GUCY1A2: variants seen among roughly 807,000 people sequenced by gnomAD.
GUCY1A2 encodes guanylate cyclase soluble subunit alpha-2.
In GUCY1A2, 27 loss-of-function variants were observed where a neutral mutation model predicts 63.5. The ratio of observed to expected loss-of-function variants is 0.43; its 90% CI spans 0.31 to 0.59. The LOEUF (loss-of-function observed/expected upper bound fraction) is 0.59. GUCY1A2 is among the 20% of genes least tolerant of loss of function. The pLI is 0.11. For synonymous variants in GUCY1A2, 364 were observed against 343.5 expected (o/e 1.06, Z -0.66); for missense variants, 768 against 913.3 (o/e 0.84, Z 2.05).
chr11:106,930,522 C>T (rs2119940601), intron 4 of GUCY1A2, among the ~76,000 whole-genome samples: 1 of 152,232 alleles, frequency 6.6e-6, no homozygotes, highest in South Asian at 2.1e-4. Context: ...CCTATCAAAG[C>T]ATATGTAAAG....
intron 4 of GUCY1A2, among the ~76,000 whole-genome samples, chr11:106,922,021 T>C (rs2119905662): frequency 6.6e-6 from 1 of 152,282 alleles, no homozygotes; most frequent in East Asian, 1.9e-4. Flanking sequence ...CCAAAAAGCA[T>C]TTATTCTATA....
chr11:106,979,012 G>A (rs1222700357), intron 2 of GUCY1A2, among the ~76,000 whole-genome samples: 1 of 152,232 alleles, frequency 6.6e-6, no homozygotes, highest in South Asian at 2.1e-4. Context: ...TACAGCTAAT[G>A]TATCACTCTG....
chr11:106,747,153 AT>A (rs568934033), intron 6 of GUCY1A2, among the ~76,000 whole-genome samples: 1 of 151,530 alleles, frequency 6.6e-6, no homozygotes, highest in Admixed American at 6.6e-5. Flanking sequence ...ATGCTCAGCT[AT>A]TTTTTTTGTA....
chr11:106,703,860 TATATAG>T lies in GUCY1A2; in HGVS notation c.1991+4646_1991+4651del, dbSNP rs1862860427. ...GTAATGATTACTTAGTAATCATATG[TATATAG>T]ATATACATATATGATTCCCACATTT... On this transcript the variant is annotated intron_variant, in intron 7 of 7. Coordinates refer to ENST00000526355, the MANE Select transcript of GUCY1A2 (RefSeq NM_000855.3). Among the ~76,000 whole-genome samples the T allele has an allele frequency of 2.0e-5, 3 of 152,022 alleles. No homozygotes were observed. In the South Asian group the frequency reaches 6.2e-4, roughly 31 times the overall value.
intron 3 of GUCY1A2, among the ~76,000 whole-genome samples, chr11:106,976,365 C>T (rs1277633576): frequency 6.6e-6 from 1 of 152,138 alleles, no homozygotes; most frequent in African/African-American, 2.4e-5. Flanking sequence ...CTTTTCTGTC[C>T]AGTAAGCTGA....
intron 2 of GUCY1A2, among the ~76,000 whole-genome samples, chr11:106,983,771 C>G (rs1029017011): frequency 6.6e-6 from 1 of 152,176 alleles, no homozygotes; most frequent in African/African-American, 2.4e-5. Context: ...AAAAGCATCT[C>G]CTTCCCACCC....
At chr11:106,805,513 T>A (rs1354636739) in intron 5 of GUCY1A2, among the ~76,000 whole-genome samples, 1 of 152,212 alleles carries the variant, frequency 6.6e-6, no homozygotes, top group Non-Finnish European at 1.5e-5. Context: ...CCCAAAGTGC[T>A]GGGATTACAG....
rs560880133 is a variant in GUCY1A2, at chr11:106,905,593, T to A, written c.1206+33867A>T. Among the ~76,000 whole-genome samples the A allele has an allele frequency of 3.3e-5, 5 of 152,178 alleles. No individual in the cohort carries two copies. The South Asian group carries it at 8.3e-4, about 25-fold the overall frequency. ...ACTTAGAGAATTGGGATCAAGCACTTATCACTGACAGAAAAGAAGCCCAAA... is the reference window on the plus strand; with the variant it reads ...ACTTAGAGAATTGGGATCAAGCACTAATCACTGACAGAAAAGAAGCCCAAA... On this transcript the variant is annotated intron_variant, in intron 4 of 7. Coordinates refer to ENST00000526355, the MANE Select transcript of GUCY1A2 (RefSeq NM_000855.3).
At chr11:106,992,325 C>CTTTT (rs11297661) in intron 1 of GUCY1A2, among the ~76,000 whole-genome samples, 9 of 113,746 alleles carry the variant, frequency 7.9e-5, no homozygotes, top group Non-Finnish European at 1.4e-4. Context: ...AAGAATATGT[C>CTTTT]TTTTTTTTTT....
intron 7 of GUCY1A2, among the ~76,000 whole-genome samples, chr11:106,699,193 G>A (rs1351721904): frequency 6.6e-6 from 1 of 152,114 alleles, no homozygotes; most frequent in Non-Finnish European, 1.5e-5. Flanking sequence ...AGAACCTTCA[G>A]AAAGGATTAT....
intron 4 of GUCY1A2, among the ~76,000 whole-genome samples, chr11:106,878,193 G>A (rs995650184): frequency 2.0e-5 from 3 of 152,062 alleles, no homozygotes; most frequent in Non-Finnish European, 4.4e-5. Flanking sequence ...GTGTAAATCA[G>A]TTCAACCATT....
intron 7 of GUCY1A2, among the ~76,000 whole-genome samples, chr11:106,688,258 G>C (rs868197617): frequency 6.6e-6 from 1 of 152,022 alleles, no homozygotes; most frequent in South Asian, 2.1e-4. Context: ...ACAACACTTC[G>C]TGACTCCCAA....
At chr11:107,002,583 G>A (rs185437506) in intron 1 of GUCY1A2, among the ~76,000 whole-genome samples, 55 of 152,226 alleles carry the variant, frequency 3.6e-4, no homozygotes, top group African/African-American at 1.0e-3. Context: ...GAGAAAACCC[G>A]AAGTCTAAAG....
At chr11:106,965,281 T>C (rs1861113248) in intron 3 of GUCY1A2, among the ~76,000 whole-genome samples, 1 of 152,140 alleles carries the variant, frequency 6.6e-6, no homozygotes, top group South Asian at 2.1e-4. Context: ...TGGGTCTAAT[T>C]CCTTCATCTG....
chr11:106,954,735 A>G (rs1274602498), intron 3 of GUCY1A2, among the ~76,000 whole-genome samples: 1 of 152,050 alleles, frequency 6.6e-6, no homozygotes. Flanking sequence ...TTCTTGTTGA[A>G]TTCTTCCCCT....
chr11:106,988,268 T>C (rs886256771), intron 1 of GUCY1A2, among the ~76,000 whole-genome samples: 1 of 152,230 alleles, frequency 6.6e-6, no homozygotes, highest in African/African-American at 2.4e-5. Context: ...TCAGTACCCC[T>C]TGGATCTGGG....
At chr11:106,820,396 A>T (rs559585574) in intron 4 of GUCY1A2, among the ~76,000 whole-genome samples, 70 of 152,028 alleles carry the variant, frequency 4.6e-4, no homozygotes, top group Middle Eastern at 3.4e-3. Flanking sequence ...AGCACTTTTT[A>T]AAAAAAATAT....
chr11:106,771,694 G>A (rs150971647), intron 6 of GUCY1A2, among the ~76,000 whole-genome samples: 294 of 152,082 alleles, frequency 1.9e-3, no homozygotes, highest in African/African-American at 6.8e-3. Flanking sequence ...TGAGGCTGTA[G>A]TAAGCTGTGA....
intron 3 of GUCY1A2, among the ~76,000 whole-genome samples, chr11:106,948,844 T>C (rs1222371972): frequency 6.6e-6 from 1 of 152,112 alleles, no homozygotes; most frequent in Non-Finnish European, 1.5e-5. Flanking sequence ...TGGAAAACAA[T>C]AAAATTAAAT....
Sources: allele counts gnomAD v4.1 joint callset (sites outside exome capture counted in the v4.1 genomes callset), GRCh38; gene constraint gnomAD v4.1.1; transcripts MANE v1.5; gene names NCBI Gene and HGNC (gene_info 2026-07-23, HGNC 2026-07-21).